The following TBC1D22A variants were observed in gnomAD, a reference collection of about 807,000 sequenced individuals.
TBC1D22A encodes the protein putative GTPase activator.
A neutral mutation model predicts 60.2 loss-of-function variants in TBC1D22A; 38 were observed. The ratio of observed to expected loss-of-function variants is 0.63; its 90% CI spans 0.49 to 0.83. The LOEUF (loss-of-function observed/expected upper bound fraction) is 0.83, where lower values mean the gene tolerates loss of function less well. Among genes scored for constraint, TBC1D22A ranks in the 40% least tolerant of loss-of-function variants. The pLI, the probability that TBC1D22A is intolerant of heterozygous loss-of-function variation, is 0.00. For synonymous variants in TBC1D22A, 302 were observed against 281.7 expected, an observed-to-expected ratio of 1.07 and a Z score of -0.72; for missense variants, 628 against 701.0, an observed-to-expected ratio of 0.90 and a Z score of 1.18.
chr22:46,817,660 G>T (rs2085661620), intron 4 of TBC1D22A, among the ~76,000 whole-genome samples: 1 of 152,206 alleles, frequency 6.6e-6, no homozygotes, highest in Admixed American at 6.5e-5. Flanking sequence ...TATCATTGAT[G>T]GGCATTTGGG....
intron 12 of TBC1D22A, among the ~76,000 whole-genome samples, chr22:47,127,223 T>C (rs1027252264): frequency 1.5e-5 from 2 of 132,484 alleles, no homozygotes; most frequent in African/African-American, 5.3e-5. Context: ...TTTTTTTTCT[T>C]TTTCTCTTTT....
intron 12 of TBC1D22A, among the ~76,000 whole-genome samples, chr22:47,169,304 C>A (rs1170758236): frequency 1.3e-5 from 2 of 152,168 alleles, no homozygotes; most frequent in African/African-American, 4.8e-5. Context: ...GCAACTCTGT[C>A]CACTCTTGTG....
intron 5 of TBC1D22A, among the ~76,000 whole-genome samples, chr22:46,883,908 G>A (rs1404086694): frequency 6.6e-6 from 1 of 152,186 alleles, no homozygotes; most frequent in Non-Finnish European, 1.5e-5. Context: ...AAACCCAGAA[G>A]TGTATGCTTG....
intron 8 of TBC1D22A, among the ~76,000 whole-genome samples, chr22:46,950,729 G>A (rs2072848804): frequency 6.6e-6 from 1 of 152,208 alleles, no homozygotes; most frequent in Non-Finnish European, 1.5e-5. Flanking sequence ...ACGGGTGAGT[G>A]TGGAGGAGAA....
intron 8 of TBC1D22A, among the ~76,000 whole-genome samples, chr22:46,928,901 A>G (rs117001824): frequency 2.5e-3 from 386 of 152,322 alleles, no homozygotes; most frequent in Non-Finnish European, 4.4e-3. Flanking sequence ...AAGATGAACA[A>G]TAACAACTTA....
intron 10 of TBC1D22A, among the ~76,000 whole-genome samples, chr22:47,031,772 C>T (rs949954585): frequency 4.6e-5 from 7 of 152,118 alleles, no homozygotes; most frequent in Non-Finnish European, 1.0e-4. Context: ...GGTGTGTGCC[C>T]CCCTTCAGGA....
intron 11 of TBC1D22A, among the ~76,000 whole-genome samples, chr22:47,074,966 G>A (rs2064143934): frequency 6.6e-6 from 1 of 152,204 alleles, no homozygotes; most frequent in Admixed American, 6.5e-5. Context: ...GCTCACGCCT[G>A]TAATCCCACC....
At chr22:46,900,158 T>G (rs9616143) in intron 7 of TBC1D22A, among the ~76,000 whole-genome samples, 31 of 150,826 alleles carry the variant, frequency 2.1e-4, no homozygotes, top group Non-Finnish European at 3.1e-4. Flanking sequence ...GGTTTTTTTT[T>G]TTTTTTTTGA....
At chr22:47,064,211 C>T (rs2063682178) in intron 11 of TBC1D22A, among the ~76,000 whole-genome samples, 1 of 152,262 alleles carries the variant, frequency 6.6e-6, no homozygotes, top group Non-Finnish European at 1.5e-5. Flanking sequence ...CCCGTGCTCT[C>T]TCTGTGGTGA....
At chr22:46,822,602 A>T (rs962782715) in intron 4 of TBC1D22A, among the ~76,000 whole-genome samples, 3 of 152,200 alleles carry the variant, frequency 2.0e-5, no homozygotes, top group African/African-American at 7.2e-5. Flanking sequence ...GAGAGCAGCA[A>T]AGATGGGTGC....
intron 11 of TBC1D22A, among the ~76,000 whole-genome samples, chr22:47,086,522 G>A (rs1022473784): frequency 1.3e-5 from 2 of 152,196 alleles, no homozygotes; most frequent in African/African-American, 4.8e-5. Context: ...GGGTCCAGGG[G>A]CATTGCTTTG....
At chr22:46,817,122 A>AT (rs2085635645) in intron 4 of TBC1D22A, among the ~76,000 whole-genome samples, 4 of 151,904 alleles carry the variant, frequency 2.6e-5, no homozygotes, top group Non-Finnish European at 5.9e-5. Flanking sequence ...AGTGGCTTAA[A>AT]ATTTTTTTTT....
chr22:46,801,122 G>GT (rs554549085), intron 4 of TBC1D22A, among the ~76,000 whole-genome samples: 2 of 152,290 alleles, frequency 1.3e-5, no homozygotes, highest in South Asian at 2.1e-4. Context: ...GGGACTGTGG[G>GT]TTTTTTTCTT....
At chr22:47,123,159 C>T (rs1448106773) in intron 12 of TBC1D22A, among the ~76,000 whole-genome samples, 1 of 152,132 alleles carries the variant, frequency 6.6e-6, no homozygotes, top group Non-Finnish European at 1.5e-5. Context: ...GGTGGAATCG[C>T]TTTGCTTTAC....
chr22:47,166,933 C>G (rs2068231482), intron 12 of TBC1D22A, among the ~76,000 whole-genome samples: 1 of 152,240 alleles, frequency 6.6e-6, no homozygotes, highest in Non-Finnish European at 1.5e-5. Context: ...AAGCAGAGCT[C>G]CAGCACCAGG....
intron 12 of TBC1D22A, among the ~76,000 whole-genome samples, chr22:47,157,189 G>A (rs2067756200): frequency 6.6e-6 from 1 of 152,218 alleles, no homozygotes; most frequent in African/African-American, 2.4e-5. Flanking sequence ...TCAGCATCTG[G>A]GAGAGCAGCA....
At chr22:46,960,029 G>A (rs1006305703) in intron 8 of TBC1D22A, among the ~76,000 whole-genome samples, 2 of 152,150 alleles carry the variant, frequency 1.3e-5, no homozygotes, top group African/African-American at 4.8e-5. Context: ...AGCAGAGGAT[G>A]GTGTCAAAGA....
chr22:46,895,898 A>T (rs545802999), intron 7 of TBC1D22A, among the ~76,000 whole-genome samples: 1 of 152,310 alleles, frequency 6.6e-6, no homozygotes, highest in East Asian at 1.9e-4. Flanking sequence ...CAATTATTGC[A>T]TCATTGGGTG....
At chr22:47,062,580 C>T (rs986577305) in intron 11 of TBC1D22A, among the ~76,000 whole-genome samples, 1 of 152,046 alleles carries the variant, frequency 6.6e-6, no homozygotes, top group Non-Finnish European at 1.5e-5. Flanking sequence ...GCGTGAGTGC[C>T]GTAGTGACTT....
Sources: allele counts gnomAD v4.1 joint callset (sites outside exome capture counted in the v4.1 genomes callset), GRCh38; gene constraint gnomAD v4.1.1; transcripts MANE v1.5; gene names NCBI Gene and HGNC (gene_info 2026-07-23, HGNC 2026-07-21).